B3GAT2: variants seen among roughly 807,000 people sequenced by gnomAD.
B3GAT2 encodes beta-1,3-glucuronyltransferase 2, also known as galactosylgalactosylxylosylprotein 3-beta-glucuronosyltransferase 2.
B3GAT2 carries 26 observed loss-of-function variants against 27.8 expected under a neutral mutation model. The ratio of observed to expected loss-of-function variants is 0.93; its 90% CI spans 0.68 to 1.30. B3GAT2 has a LOEUF of 1.30. Ranked by LOEUF, B3GAT2 falls within the 50% of genes most tolerant of loss-of-function variation. B3GAT2 has a pLI of 0.00. For synonymous variants in B3GAT2, 218 were observed against 195.1 expected, an observed-to-expected ratio of 1.12 and a Z score of -0.98; for missense variants, 458 against 459.0, an observed-to-expected ratio of 1.00 and a Z score of 0.02.
At chr6:70,952,004 G>C (rs1054891832) in intron 1 of B3GAT2, among the ~76,000 whole-genome samples, 8 of 152,034 alleles carry the variant, frequency 5.3e-5, no homozygotes, top group Admixed American at 6.6e-5. Context: ...TACTATTTAG[G>C]GGGGAAAGGG....
intron 2 of B3GAT2, among the ~76,000 whole-genome samples, chr6:70,873,190 TCC>T (rs1442018928): frequency 6.6e-6 from 1 of 152,144 alleles, no homozygotes; most frequent in African/African-American, 2.4e-5. Context: ...CCGTCTAGCA[TCC>T]TTTCACTTTT....
At chr6:70,944,450 C>A (rs527278408) in intron 1 of B3GAT2, among the ~76,000 whole-genome samples, 4 of 152,168 alleles carry the variant, frequency 2.6e-5, no homozygotes, top group African/African-American at 9.7e-5. Flanking sequence ...CACGGAGTCT[C>A]GCTGATTGCT....
chr6:70,883,317 A>C (rs1369782587), intron 2 of B3GAT2, among the ~76,000 whole-genome samples: 2 of 152,256 alleles, frequency 1.3e-5, no homozygotes, highest in Non-Finnish European at 2.9e-5. Flanking sequence ...AGGTGGAAAC[A>C]ACCCAAACGT....
At chr6:70,932,870 T>TAG (rs1326763258) in intron 1 of B3GAT2, among the ~76,000 whole-genome samples, 2 of 152,278 alleles carry the variant, frequency 1.3e-5, no homozygotes, top group East Asian at 3.9e-4. Context: ...GGTGCAATCA[T>TAG]AGAGCACCAC....
rs191466975 is a variant in B3GAT2, at chr6:70,862,789, A to G, written c.737-811T>C. ...GTTCAAGACCAGCCTGGGCAGCATA[A>G]TGAGACCCTGTCTCTACAAAAAATA... On this transcript the variant is annotated intron_variant, in intron 2 of 3. Transcript: ENST00000230053. Among the ~76,000 whole-genome samples, 419 of 152,216 alleles carry G rather than the reference A, an allele frequency of 2.8e-3. 1 individual carries two copies. The highest frequency in any genetic ancestry group is 9.6e-3 in the African/African-American group (400 of 41,550).
intron 2 of B3GAT2, among the ~76,000 whole-genome samples, chr6:70,873,596 G>A (rs933526271): frequency 2.6e-5 from 4 of 151,948 alleles, no homozygotes; most frequent in Non-Finnish European, 5.9e-5. Flanking sequence ...GATGTTTAAT[G>A]TTTTTCATAC....
At chr6:70,885,559 G>A (rs1340522722) in intron 2 of B3GAT2, among the ~76,000 whole-genome samples, 2 of 152,112 alleles carry the variant, frequency 1.3e-5, no homozygotes, top group Non-Finnish European at 2.9e-5. Context: ...TTCATTGAAT[G>A]ATAATGAGCA....
intron 2 of B3GAT2, among the ~76,000 whole-genome samples, chr6:70,882,778 G>A (rs563739031): frequency 1.3e-5 from 2 of 152,234 alleles, no homozygotes; most frequent in East Asian, 1.9e-4. Flanking sequence ...AATGCATGCC[G>A]CAGAGGAAAG....
At chr6:70,876,011 G>A (rs995863033) in intron 2 of B3GAT2, among the ~76,000 whole-genome samples, 2 of 152,162 alleles carry the variant, frequency 1.3e-5, no homozygotes, top group African/African-American at 4.8e-5. Context: ...AAATATCCAT[G>A]AATTATTTTT....
At chr6:70,874,434 T>C (rs1771981985) in intron 2 of B3GAT2, among the ~76,000 whole-genome samples, 1 of 152,196 alleles carries the variant, frequency 6.6e-6, no homozygotes, top group Non-Finnish European at 1.5e-5. Flanking sequence ...CCAGGCAATG[T>C]ACAACTGCTT....
At chr6:70,890,639 T>C (rs916727595) in intron 2 of B3GAT2, among the ~76,000 whole-genome samples, 1 of 152,200 alleles carries the variant, frequency 6.6e-6, no homozygotes, top group African/African-American at 2.4e-5. Flanking sequence ...GTGTAGTCAG[T>C]TGATCAGAAG....
At chr6:70,868,402 G>T (rs1275519009) in intron 2 of B3GAT2, among the ~76,000 whole-genome samples, 1 of 152,188 alleles carries the variant, frequency 6.6e-6, no homozygotes. Context: ...ACAGTTAACA[G>T]TATCAATAGT....
intron 1 of B3GAT2, among the ~76,000 whole-genome samples, chr6:70,937,184 C>G (rs960260664): frequency 2.7e-5 from 4 of 150,848 alleles, no homozygotes; most frequent in Non-Finnish European, 5.9e-5. Context: ...CACATACACC[C>G]TCCCAAGACT....
intron 1 of B3GAT2, among the ~76,000 whole-genome samples, chr6:70,897,671 ATATATAT>A (rs1772413456): frequency 6.2e-5 from 2 of 32,256 alleles, no homozygotes; most frequent in African/African-American, 1.7e-4. Flanking sequence ...AAAAAAAAAA[ATATATAT>A]ATATATATAT....
At position 70,857,067 on chromosome 6, in the gene B3GAT2, T is replaced by TAGA. The variant is rs757477239; in HGVS notation, c.*4593_*4595dup. On this transcript the variant is annotated 3_prime_UTR_variant, in exon 4 of 4. Coordinates refer to ENST00000230053, the MANE Select transcript of B3GAT2 (RefSeq NM_080742.3). ...TGATATCTGCTTTCAGTGACATTAC[T>TAGA]AGAAGTACATCCTTTGTAATTATAT... 1.4e-5 allele frequency: 21 copies of TAGA among 1,547,066 alleles called. No individual in the cohort carries two copies. In the African/African-American group the frequency reaches 2.7e-4, roughly 20 times the overall value.
chr6:70,877,911 C>A (rs572581970), intron 2 of B3GAT2, among the ~76,000 whole-genome samples: 52 of 152,310 alleles, frequency 3.4e-4, no homozygotes, highest in Admixed American at 1.1e-3. Flanking sequence ...GGCTTCTGAG[C>A]AAGGATCAAA....
intron 1 of B3GAT2, among the ~76,000 whole-genome samples, chr6:70,927,814 C>CTCAG (rs1772989247): frequency 6.6e-6 from 1 of 152,182 alleles, no homozygotes; most frequent in Non-Finnish European, 1.5e-5. Flanking sequence ...AGGACTTGAA[C>CTCAG]TCAGCTCTGC....
intron 2 of B3GAT2, among the ~76,000 whole-genome samples, chr6:70,863,092 A>G (rs1771790182): frequency 6.6e-6 from 1 of 152,212 alleles, no homozygotes; most frequent in Admixed American, 6.5e-5. Flanking sequence ...ATTGTTTTGA[A>G]GGTCTGAAGC....
chr6:70,938,534 T>C (rs1282632509), intron 1 of B3GAT2, among the ~76,000 whole-genome samples: 13 of 151,134 alleles, frequency 8.6e-5, no homozygotes, highest in African/African-American at 2.9e-4. Context: ...CAAAACAGCA[T>C]GGTACTGGTA....
Sources: gnomAD v4.1 joint callset for allele counts (sites outside exome capture counted in the v4.1 genomes callset) on GRCh38, gnomAD v4.1.1 for gene constraint, MANE v1.5 for transcripts, NCBI Gene and HGNC (gene_info 2026-07-23, HGNC 2026-07-21) for gene names.